PAPPA2: variants seen among roughly 807,000 people sequenced by gnomAD.
The protein encoded by PAPPA2 is pappalysin-2.
In PAPPA2, 86 loss-of-function variants were observed where a neutral mutation model predicts 176.4. That is an observed-to-expected ratio of 0.49 (90% CI 0.41 to 0.58). The LOEUF (loss-of-function observed/expected upper bound fraction) is 0.58. PAPPA2 is among the 20% of genes least tolerant of loss of function. The probability of loss-of-function intolerance (pLI) is 0.00; values close to 1 mark genes in which losing one functional copy is unlikely to be tolerated. For synonymous variants in PAPPA2, 809 were observed against 852.2 expected, an observed-to-expected ratio of 0.95 and a Z score of 0.88; for missense variants, 2,073 against 2,256.9, an observed-to-expected ratio of 0.92 and a Z score of 1.65.
intron 2 of PAPPA2, among the ~76,000 whole-genome samples, chr1:176,585,376 A>C (rs1461396682): frequency 6.6e-6 from 1 of 151,814 alleles, no homozygotes; most frequent in African/African-American, 2.4e-5. Context: ...GCTAATGGGT[A>C]TTCCCTTATA....
intron 3 of PAPPA2, among the ~76,000 whole-genome samples, chr1:176,613,307 A>T (rs561675428): frequency 6.6e-6 from 1 of 152,332 alleles, no homozygotes; most frequent in Admixed American, 6.5e-5. Context: ...TAATTAGCCC[A>T]CTCAGATTCA....
intron 17 of PAPPA2, among the ~76,000 whole-genome samples, chr1:176,782,758 A>C (rs1243193294): frequency 6.6e-6 from 1 of 152,178 alleles, no homozygotes; most frequent in Non-Finnish European, 1.5e-5. Context: ...AACAGAAGCA[A>C]TTGAAATATT....
Position 176,562,989 on chromosome 1 carries a change from G to T in PAPPA2, c.919+5748G>T, listed in dbSNP as rs184445412. 2.4e-3 allele frequency among the ~76,000 whole-genome samples: 365 copies of T among 152,144 alleles called. 1 individual carries two copies. Among genetic ancestry groups the T allele is most frequent in the African/African-American group, 7.5e-3 (310 of 41,482 alleles). On this transcript the variant is annotated intron_variant, in intron 2 of 22. Coordinates refer to ENST00000367662, the MANE Select transcript of PAPPA2 (RefSeq NM_020318.3). Reference sequence around the variant, plus strand: ...GGCCCTTCATGTGTGGTTTCCTAGGGTGCATATTGCTTCCTGCCTTATTTG... The same window carrying T: ...GGCCCTTCATGTGTGGTTTCCTAGGTTGCATATTGCTTCCTGCCTTATTTG...
At chr1:176,465,891 T>C (rs541947975) in intron 1 of PAPPA2, among the ~76,000 whole-genome samples, 1 of 152,268 alleles carries the variant, frequency 6.6e-6, no homozygotes, top group Non-Finnish European at 1.5e-5. Flanking sequence ...GAACATGTGG[T>C]ATCTGGTTTT....
intron 12 of PAPPA2, among the ~76,000 whole-genome samples, chr1:176,719,886 A>G (rs1021909237): frequency 2.0e-5 from 3 of 152,198 alleles, no homozygotes; most frequent in Non-Finnish European, 4.4e-5. Flanking sequence ...TACACTTTTT[A>G]GTTTCTGTGT....
chr1:176,496,325 A>G (rs1647618962), intron 1 of PAPPA2, among the ~76,000 whole-genome samples: 1 of 152,168 alleles, frequency 6.6e-6, no homozygotes, highest in Admixed American at 6.5e-5. Flanking sequence ...ATGATTTGAT[A>G]TATAAATATT....
Position 176,708,530 on chromosome 1 carries a change from T to G in PAPPA2, c.3458-1453T>G, listed in dbSNP as rs1054524315. Among the ~76,000 whole-genome samples the G allele has an allele frequency of 1.2e-4, 18 of 145,488 alleles. 1 individual carries two copies. The highest frequency in any genetic ancestry group is 6.7e-4 in the South Asian group (3 of 4,500). On this transcript the variant is annotated intron_variant, in intron 10 of 22. Coordinates refer to ENST00000367662, the MANE Select transcript of PAPPA2 (RefSeq NM_020318.3). The stretch of plus-strand genomic sequence containing the variant: ...AACAAAACAAAACTATACGTACATG[T>G]AGAGAGAGAGAGAGAGAGAGAGAGA...
Position 176,561,589 on chromosome 1 carries a change from A to G in PAPPA2, c.919+4348A>G, listed in dbSNP as rs533670377. ...TAGAATCAGAGGCCCCAAAGGGCTC[A>G]TTTATTTTATTTAAAAAAATCCATT... On this transcript the variant is annotated intron_variant, in intron 2 of 22. Coordinates refer to ENST00000367662, the MANE Select transcript of PAPPA2 (RefSeq NM_020318.3). 1.1e-3 allele frequency among the ~76,000 whole-genome samples: 173 copies of G among 152,340 alleles called. 1 individual carries two copies. Among genetic ancestry groups the G allele is most frequent in the African/African-American group, 4.0e-3 (166 of 41,594 alleles).
intron 1 of PAPPA2, among the ~76,000 whole-genome samples, chr1:176,495,060 C>T (rs929254243): frequency 6.6e-6 from 1 of 152,136 alleles, no homozygotes; most frequent in Admixed American, 6.5e-5. Context: ...GTGCCTGGTA[C>T]AGGGCCTGGG....
At chr1:176,777,568 A>C (rs543181773) in intron 17 of PAPPA2, among the ~76,000 whole-genome samples, 2 of 152,224 alleles carry the variant, frequency 1.3e-5, no homozygotes, top group South Asian at 2.1e-4. Flanking sequence ...TTATCTCCTC[A>C]TTTACTGGTT....
At chr1:176,802,539 G>A (rs181121467) in intron 21 of PAPPA2, among the ~76,000 whole-genome samples, 18 of 152,280 alleles carry the variant, frequency 1.2e-4, no homozygotes, top group African/African-American at 3.6e-4. Context: ...AAGCCAAGCC[G>A]GCCAGGTAGG....
At chr1:176,644,684 C>T (rs893992597) in intron 3 of PAPPA2, among the ~76,000 whole-genome samples, 1 of 151,788 alleles carries the variant, frequency 6.6e-6, no homozygotes, top group Admixed American at 6.6e-5. Flanking sequence ...CATAACATGA[C>T]AAGTGCTGTG....
At position 176,729,308 on chromosome 1, in the gene PAPPA2, T is replaced by C. The variant is rs181154056; in HGVS notation, c.3799-10318T>C. On this transcript the variant is annotated intron_variant, in intron 12 of 22. Coordinates refer to ENST00000367662, the MANE Select transcript of PAPPA2 (RefSeq NM_020318.3). ...CCAAGTTCTAGACATTACGTGATTCTAATTTTTAACTCTCTTTTATATTCC... is the reference window on the plus strand; with the variant it reads ...CCAAGTTCTAGACATTACGTGATTCCAATTTTTAACTCTCTTTTATATTCC... Among the ~76,000 whole-genome samples the C allele has an allele frequency of 4.6e-5, 7 of 152,238 alleles. No homozygotes were observed. The East Asian group carries it at 1.3e-3, about 29-fold the overall frequency.
chr1:176,493,967 A>G (rs997836607), intron 1 of PAPPA2, among the ~76,000 whole-genome samples: 1 of 152,218 alleles, frequency 6.6e-6, no homozygotes, highest in Non-Finnish European at 1.5e-5. Context: ...GTGTTTTACC[A>G]TTCAAAACCT....
At chr1:176,669,831 A>G (rs1265610213) in intron 3 of PAPPA2, among the ~76,000 whole-genome samples, 2 of 152,188 alleles carry the variant, frequency 1.3e-5, no homozygotes, top group Non-Finnish European at 2.9e-5. Flanking sequence ...ATCAGGAGGC[A>G]GAGCAAGCTA....
intron 3 of PAPPA2, among the ~76,000 whole-genome samples, chr1:176,660,366 A>T (rs1168731143): frequency 6.7e-6 from 1 of 148,378 alleles, no homozygotes; most frequent in East Asian, 1.9e-4. Context: ...GTGTGTGCTT[A>T]AGTGTAGATT....
At chr1:176,769,547 G>C (rs2102911042) in intron 15 of PAPPA2, 60 bp from the exon 16 acceptor site, 1 of 1,527,478 alleles carries the variant, frequency 6.5e-7, no homozygotes, top group Admixed American at 1.9e-5. Flanking sequence ...CTAAAGCCTG[G>C]AAACTACTCT....
chr1:176,796,176 C>T (rs1665417248), intron 20 of PAPPA2, among the ~76,000 whole-genome samples: 1 of 152,162 alleles, frequency 6.6e-6, no homozygotes, highest in Non-Finnish European at 1.5e-5. Flanking sequence ...GAAAGGTCTT[C>T]TTTTTCATCA....
chr1:176,758,873 T>G (rs1002787447), intron 14 of PAPPA2, among the ~76,000 whole-genome samples: 1 of 152,222 alleles, frequency 6.6e-6, no homozygotes, highest in Non-Finnish European at 1.5e-5. Flanking sequence ...TCACCTCATC[T>G]GTGAAACTCA....
Sources: gnomAD v4.1 joint callset for allele counts (sites outside exome capture counted in the v4.1 genomes callset) on GRCh38, gnomAD v4.1.1 for gene constraint, MANE v1.5 for transcripts, NCBI Gene and HGNC (gene_info 2026-07-23, HGNC 2026-07-21) for gene names.